Variants in MINDY2 observed in about 807,000 individuals in gnomAD.
MINDY2 encodes the protein MINDY lysine 48 deubiquitinase 2, also known as ubiquitin carboxyl-terminal hydrolase MINDY-2.
A neutral mutation model predicts 68.2 loss-of-function variants in MINDY2; 52 were observed. That is an observed-to-expected ratio of 0.76 (90% CI 0.61 to 0.96). The LOEUF is 0.96. Among genes scored for constraint, MINDY2 ranks in the 40% least tolerant of loss-of-function variants. The probability of loss-of-function intolerance (pLI) is 0.00; values close to 1 mark genes in which losing one functional copy is unlikely to be tolerated. For synonymous variants in MINDY2, 372 were observed against 303.0 expected, an observed-to-expected ratio of 1.23 and a Z score of -2.36; for missense variants, 881 against 773.4, an observed-to-expected ratio of 1.14 and a Z score of -1.65.
intron 8 of MINDY2, among the ~76,000 whole-genome samples, chr15:58,853,889 T>G (rs2032954097): frequency 6.6e-6 from 1 of 151,774 alleles, no homozygotes; most frequent in Admixed American, 6.6e-5. Context: ...ACTATTATAG[T>G]TTATCAAAAG....
At chr15:58,837,968 C>CA (rs34909401) in intron 6 of MINDY2, among the ~76,000 whole-genome samples, 4,018 of 74,390 alleles carry the variant, frequency 0.054, 93 homozygotes, top group African/African-American at 0.098. Context: ...GACCTTCTTT[C>CA]AAAAAAAAAA....
intron 5 of MINDY2, among the ~76,000 whole-genome samples, chr15:58,829,619 G>A (rs1361980118): frequency 6.6e-6 from 1 of 152,132 alleles, no homozygotes; most frequent in African/African-American, 2.4e-5. Flanking sequence ...AGTAAGGTAT[G>A]GAAGGGGCTT....
chr15:58,838,194 T>C (rs1450928282), intron 6 of MINDY2, among the ~76,000 whole-genome samples: 1 of 151,256 alleles, frequency 6.6e-6, no homozygotes, highest in Non-Finnish European at 1.5e-5. Context: ...GGTCAGGAGT[T>C]CGAGACCAGC....
chr15:58,782,911 G>GTCT (rs1901242223), intron 1 of MINDY2, among the ~76,000 whole-genome samples: 1 of 64,470 alleles, frequency 1.6e-5, no homozygotes, highest in Non-Finnish European at 2.6e-5. Flanking sequence ...TTTTCTCTCT[G>GTCT]TTTTTTTTTT....
At chr15:58,811,862 A>G (rs938290777) in intron 4 of MINDY2, among the ~76,000 whole-genome samples, 2 of 152,214 alleles carry the variant, frequency 1.3e-5, no homozygotes, top group African/African-American at 4.8e-5. Flanking sequence ...AAATTTTTAA[A>G]TAGGTTAGAG....
chr15:58,837,317 A>T (rs879695282), intron 6 of MINDY2, among the ~76,000 whole-genome samples: 1 of 152,174 alleles, frequency 6.6e-6, no homozygotes, highest in Non-Finnish European at 1.5e-5. Flanking sequence ...TCATGTGTGT[A>T]ATCCTAGCAC....
chr15:58,781,244 G>A (rs1380216084), intron 1 of MINDY2, among the ~76,000 whole-genome samples: 3 of 152,000 alleles, frequency 2.0e-5, no homozygotes, highest in African/African-American at 7.2e-5. Context: ...TAGAGACAGG[G>A]TTTTACCATG....
chr15:58,828,708 C>CT (rs1387494287), intron 5 of MINDY2, among the ~76,000 whole-genome samples: 6 of 151,392 alleles, frequency 4.0e-5, no homozygotes, highest in Non-Finnish European at 7.4e-5. Context: ...CTACAGGCGC[C>CT]TGCCACCATG....
At chr15:58,825,245 G>A (rs2031318304) in intron 5 of MINDY2, among the ~76,000 whole-genome samples, 1 of 152,158 alleles carries the variant, frequency 6.6e-6, no homozygotes, top group Non-Finnish European at 1.5e-5. Context: ...TAATCAAATA[G>A]AGTTAGGTGT....
chr15:58,854,355 A>G lies in MINDY2; in HGVS notation c.1738-127A>G, dbSNP rs1197174985. On this transcript the variant is annotated intron_variant, in intron 8 of 8. Coordinates refer to ENST00000559228, the MANE Select transcript of MINDY2 (RefSeq NM_001040450.3). ...ATACCATGTAATATAACAAATCTGT[A>G]TGCCAATAGCTAGCTTCTTTTTCCA... 3.1e-6 allele frequency: 3 copies of G among 968,832 alleles called. No homozygotes were observed. The South Asian group carries it at 5.8e-5, about 19-fold the overall frequency. 60.0% of individuals were successfully genotyped at this position (968,832 alleles called of 1,614,324 possible). A position where few individuals can be genotyped will look rare whatever the true frequency, so the allele number is the denominator to read the frequency against.
At chr15:58,839,640 G>T (rs2032181991) in intron 6 of MINDY2, among the ~76,000 whole-genome samples, 1 of 151,906 alleles carries the variant, frequency 6.6e-6, no homozygotes. Flanking sequence ...CCTAGGGTTA[G>T]GCTTTTTGGT....
rs763071811 is a variant in MINDY2, at chr15:58,851,987, C to T, written c.1737+22C>T. ...TCAGGTAAAAACTAGTGTTTTGAGT[C>T]TTAAATGTGATGATCATGGCTGGGT... On this transcript the variant is annotated intron_variant, in intron 8 of 8. Transcript: ENST00000559228. 4 of 1,547,620 alleles carry T rather than the reference C, an allele frequency of 2.6e-6. No individual in the cohort carries two copies. The South Asian group carries it at 3.7e-5, about 14-fold the overall frequency.
chr15:58,809,924 C>T (rs1009494065), intron 3 of MINDY2, among the ~76,000 whole-genome samples: 4 of 152,024 alleles, frequency 2.6e-5, no homozygotes, highest in Non-Finnish European at 4.4e-5. Flanking sequence ...GGACTACAGG[C>T]GCATGCCACC....
At chr15:58,841,913 T>A (rs1180367615) in intron 6 of MINDY2, among the ~76,000 whole-genome samples, 2 of 152,274 alleles carry the variant, frequency 1.3e-5, no homozygotes, top group East Asian at 3.9e-4. Context: ...CTTCTCATAT[T>A]ATACATATGA....
intron 3 of MINDY2, among the ~76,000 whole-genome samples, chr15:58,804,704 G>C (rs1324925591): frequency 6.6e-6 from 1 of 152,132 alleles, no homozygotes. Context: ...CTACTTGGGA[G>C]GCTGAGGTCA....
intron 6 of MINDY2, among the ~76,000 whole-genome samples, chr15:58,844,909 A>G (rs2032458755): frequency 2.6e-5 from 3 of 116,700 alleles, no homozygotes; most frequent in Admixed American, 1.0e-4. Context: ...AGTGAGACTG[A>G]GACCCTGCCT....
chr15:58,831,976 T>A (rs2031751865), intron 6 of MINDY2, 60 bp downstream of exon 6: 3 of 1,484,168 alleles, frequency 2.0e-6, no homozygotes, highest in African/African-American at 1.4e-5. Context: ...TGATTTAGAG[T>A]TGTCTTTTGA....
intron 6 of MINDY2, among the ~76,000 whole-genome samples, chr15:58,844,175 A>T (rs1206861552): frequency 5.3e-5 from 8 of 152,196 alleles, no homozygotes; most frequent in Non-Finnish European, 7.3e-5. Flanking sequence ...TCAGGATCAG[A>T]TGGGCCTAAA....
At chr15:58,801,361 A>G (rs1317315022) in intron 2 of MINDY2, among the ~76,000 whole-genome samples, 1 of 137,922 alleles carries the variant, frequency 7.3e-6, no homozygotes, top group African/African-American at 2.6e-5. Context: ...AGGCTGCAAC[A>G]TGGCAAGACC....
Sources: allele counts gnomAD v4.1 joint callset (sites outside exome capture counted in the v4.1 genomes callset), GRCh38; gene constraint gnomAD v4.1.1; transcripts MANE v1.5; gene names NCBI Gene and HGNC (gene_info 2026-07-23, HGNC 2026-07-21).